Variants in XIRP2 observed in about 807,000 individuals in gnomAD.
XIRP2 encodes the protein xin actin-binding repeat-containing protein 2.
Under a neutral mutation model 277.0 loss-of-function variants are expected in XIRP2, and 236 were observed. The observed-to-expected ratio is 0.85, with a 90% confidence interval of 0.77 to 0.95. The LOEUF is 0.95. Ranked by LOEUF, XIRP2 falls within the 40% of genes least tolerant of loss-of-function variation. XIRP2 has a pLI of 0.00. For missense variants in XIRP2, 4,640 were observed against 4,157.5 expected, an observed-to-expected ratio of 1.12 and a Z score of -3.19; for synonymous variants, 1,490 against 1,416.5, an observed-to-expected ratio of 1.05 and a Z score of -1.17.
chr2:167,151,783 A>G (rs1296839324), intron 3 of XIRP2, among the ~76,000 whole-genome samples: 2 of 152,148 alleles, frequency 1.3e-5, no homozygotes, highest in African/African-American at 4.8e-5. Context: ...TAGGTAAACC[A>G]TAATGTGGGA....
chr2:167,074,408 G>T lies in XIRP2; in HGVS notation c.409-61501G>T, dbSNP rs183500026. Reference sequence around the variant, plus strand: ...CCTCTTATTTGTAATATTCAGGAATGAATAACAAAGTTATTTTCAATACAA... The same window carrying T: ...CCTCTTATTTGTAATATTCAGGAATTAATAACAAAGTTATTTTCAATACAA... On this transcript the variant is annotated intron_variant, in intron 2 of 10. Transcript: ENST00000409195. Among the ~76,000 whole-genome samples, 9 of 152,080 alleles carry T rather than the reference G, an allele frequency of 5.9e-5. No homozygotes were observed. The East Asian group carries it at 1.7e-3, about 29-fold the overall frequency.
chr2:167,125,968 C>T (rs1691191137), intron 2 of XIRP2, among the ~76,000 whole-genome samples: 2 of 152,190 alleles, frequency 1.3e-5, no homozygotes, highest in Non-Finnish European at 2.9e-5. Flanking sequence ...GCAGCTGATG[C>T]TTCTGTTGCC....
intron 3 of XIRP2, among the ~76,000 whole-genome samples, chr2:167,199,667 A>T (rs1279452192): frequency 6.6e-6 from 1 of 152,192 alleles, no homozygotes; most frequent in African/African-American, 2.4e-5. Context: ...AGAGGCACGC[A>T]CACTTTCTAT....
At chr2:167,041,233 A>G (rs1036380471) in intron 2 of XIRP2, among the ~76,000 whole-genome samples, 7 of 152,218 alleles carry the variant, frequency 4.6e-5, no homozygotes, top group African/African-American at 1.7e-4. Flanking sequence ...AGAAAGAACC[A>G]GTTCAAGAAC....
chr2:167,193,642 C>T lies in XIRP2; in HGVS notation c.563-17093C>T, dbSNP rs186473895. Among the ~76,000 whole-genome samples, 5 of 152,168 alleles carry T rather than the reference C, an allele frequency of 3.3e-5. No individual in the cohort carries two copies. In the East Asian group the frequency reaches 9.7e-4, roughly 29 times the overall value. On this transcript the variant is annotated intron_variant, in intron 3 of 10. Transcript: ENST00000409195. ...CCTGAAATCCCAGCACTTTGGGAGG[C>T]TGAGGGAGGTGAATCACTTGAGGCT... is the stretch of plus-strand genomic sequence containing the variant.
At position 167,254,939 on chromosome 2, in the gene XIRP2, A is replaced by G. The variant is rs988967247; in HGVS notation, c.*39+774A>G. 4.7e-5 allele frequency among the ~76,000 whole-genome samples: 7 copies of G among 149,202 alleles called. No homozygotes were observed. In the East Asian group the frequency reaches 1.4e-3, roughly 30 times the overall value. ...TTTTTTTTGGCTAAATCTAATGTGC[A>G]TCTCTCACACTATATTTTTTCTGAC... On this transcript the variant is annotated intron_variant, in intron 10 of 10. Coordinates refer to ENST00000409195, the MANE Select transcript of XIRP2 (RefSeq NM_152381.6).
At position 167,092,435 on chromosome 2, in the gene XIRP2, G is replaced by A. The variant is rs114009427; in HGVS notation, c.409-43474G>A. ...CTTCATTACACAGAGCTACACAATAGCAACACTGCAAACAAAATAGTTTGT... is the reference window on the plus strand; with the variant it reads ...CTTCATTACACAGAGCTACACAATAACAACACTGCAAACAAAATAGTTTGT... On this transcript the variant is annotated intron_variant, in intron 2 of 10. Coordinates refer to ENST00000409195, the MANE Select transcript of XIRP2 (RefSeq NM_152381.6). 4.1e-3 allele frequency among the ~76,000 whole-genome samples: 622 copies of A among 152,026 alleles called. 7 individuals are homozygous for A. Among genetic ancestry groups the A allele is most frequent in the African/African-American group, 0.014 (598 of 41,436 alleles).
intron 2 of XIRP2, among the ~76,000 whole-genome samples, chr2:166,976,515 C>A (rs1425212508): frequency 6.6e-6 from 1 of 152,122 alleles, no homozygotes; most frequent in Non-Finnish European, 1.5e-5. Flanking sequence ...TCACAAAATG[C>A]AACTTCAAAT....
chr2:166,964,219 T>C (rs1400534057), intron 2 of XIRP2, among the ~76,000 whole-genome samples: 2 of 151,886 alleles, frequency 1.3e-5, no homozygotes, highest in Non-Finnish European at 2.9e-5. Flanking sequence ...CTGGTTCAGA[T>C]TGACATCATT....
intron 3 of XIRP2, among the ~76,000 whole-genome samples, chr2:167,193,338 T>C (rs1012894903): frequency 1.3e-5 from 2 of 152,206 alleles, no homozygotes; most frequent in Non-Finnish European, 2.9e-5. Flanking sequence ...CCCTATGTTA[T>C]GTTATTGCCA....
intron 2 of XIRP2, among the ~76,000 whole-genome samples, chr2:166,931,070 A>G (rs1469034142): frequency 1.3e-5 from 2 of 152,176 alleles, no homozygotes; most frequent in Admixed American, 6.6e-5. Flanking sequence ...CATGAGCTCA[A>G]TGAAGAGAAC....
At position 167,164,865 on chromosome 2, in the gene XIRP2, G is replaced by A. The variant is rs556071461; in HGVS notation, c.562+28803G>A. ...AGTGGTACATTTGTTACCTATGTCC[G>A]TAGATACTGTTTGTAAACCCTAATA... is the stretch of plus-strand genomic sequence containing the variant. On this transcript the variant is annotated intron_variant, in intron 3 of 10. Coordinates refer to ENST00000409195, the MANE Select transcript of XIRP2 (RefSeq NM_152381.6). 3.0e-4 allele frequency among the ~76,000 whole-genome samples: 46 copies of A among 152,150 alleles called. No individual in the cohort carries two copies. The South Asian group carries it at 7.1e-3, about 23-fold the overall frequency.
chr2:167,009,067 T>G (rs1253277828), intron 2 of XIRP2, among the ~76,000 whole-genome samples: 4 of 151,598 alleles, frequency 2.6e-5, no homozygotes, highest in Non-Finnish European at 4.4e-5. Flanking sequence ...ATTATTTTAT[T>G]TTATTATTAT....
intron 2 of XIRP2, among the ~76,000 whole-genome samples, chr2:166,947,085 T>G (rs929414898): frequency 6.6e-6 from 1 of 152,198 alleles, no homozygotes; most frequent in African/African-American, 2.4e-5. Flanking sequence ...GAAAATAGAA[T>G]CTATCAATAA....
At chr2:167,209,772 T>A (rs1289163033) in intron 3 of XIRP2, among the ~76,000 whole-genome samples, 1 of 151,928 alleles carries the variant, frequency 6.6e-6, no homozygotes, top group Non-Finnish European at 1.5e-5. Flanking sequence ...AGTTTTGAGA[T>A]CAGTTCTGGC....
rs1686710100 is a variant in XIRP2 at position 166,976,063 on chromosome 2, T to C, written c.408+72173T>C. ...CAAAGCCTTGACTGTCCCAGATAGATAATCTTTGATATTATTCCTCAGTAA... is the reference window on the plus strand; with the variant it reads ...CAAAGCCTTGACTGTCCCAGATAGACAATCTTTGATATTATTCCTCAGTAA... On this transcript the variant is annotated intron_variant, in intron 2 of 10. Transcript: ENST00000409195. 2.0e-5 allele frequency among the ~76,000 whole-genome samples: 3 copies of C among 150,466 alleles called. No individual in the cohort carries two copies. In the South Asian group the frequency reaches 6.4e-4, roughly 32 times the overall value.
intron 2 of XIRP2, among the ~76,000 whole-genome samples, chr2:167,014,402 G>C (rs562670916): frequency 1.3e-5 from 2 of 151,630 alleles, no homozygotes; most frequent in Admixed American, 1.3e-4. Context: ...AAATCAAGAA[G>C]ATATTGTTTC....
intron 2 of XIRP2, among the ~76,000 whole-genome samples, chr2:167,021,579 T>C (rs1190653338): frequency 2.6e-5 from 4 of 152,054 alleles, no homozygotes; most frequent in Non-Finnish European, 5.9e-5. Context: ...CTATCTGCAG[T>C]GGCTGATGTC....
intron 2 of XIRP2, among the ~76,000 whole-genome samples, chr2:167,125,289 G>A (rs1691169339): frequency 6.6e-6 from 1 of 152,154 alleles, no homozygotes; most frequent in African/African-American, 2.4e-5. Flanking sequence ...AATGCTACAA[G>A]AGTTTTAGAG....
Sources: allele counts gnomAD v4.1 joint callset (sites outside exome capture counted in the v4.1 genomes callset), GRCh38; gene constraint gnomAD v4.1.1; transcripts MANE v1.5; gene names NCBI Gene and HGNC (gene_info 2026-07-23, HGNC 2026-07-21).